The following SUGCT variants were observed in gnomAD, a reference collection of about 807,000 sequenced individuals.
SUGCT encodes the protein succinyl-CoA:glutarate CoA-transferase.
Under a neutral mutation model 55.0 loss-of-function variants are expected in SUGCT, and 41 were observed. The ratio of observed to expected loss-of-function variants is 0.74; its 90% confidence interval spans 0.58 to 0.97. The LOEUF (loss-of-function observed/expected upper bound fraction) is 0.97. SUGCT is among the 50% of genes least tolerant of loss of function. The pLI, the probability that SUGCT is intolerant of heterozygous loss-of-function variation, is 0.00. For missense variants in SUGCT, 568 were observed against 547.8 expected (o/e 1.04, Z -0.37); for synonymous variants, 187 against 200.4 (o/e 0.93, Z 0.56).
chr7:41,017,598 G>A, the SUGCT span, among the ~76,000 whole-genome samples: 5 of 151,836 alleles, frequency 3.3e-5, no homozygotes, highest in African/African-American at 9.7e-5. Flanking sequence ...ATGAAACCCC[G>A]TCTCTACTGA....
chr7:40,713,081 C>CGGTTG (rs1486409681), intron 12 of SUGCT, among the ~76,000 whole-genome samples: 1 of 152,102 alleles, frequency 6.6e-6, no homozygotes, highest in Non-Finnish European at 1.5e-5. Flanking sequence ...GGAGGGGGTG[C>CGGTTG]GGTTGGCTTC....
intron 9 of SUGCT, among the ~76,000 whole-genome samples, chr7:40,364,088 T>C (rs1409055794): frequency 1.3e-5 from 2 of 150,464 alleles, no homozygotes; most frequent in Non-Finnish European, 3.0e-5. Context: ...TTGTCTCTTT[T>C]GATCTTTGTT....
intron 12 of SUGCT, among the ~76,000 whole-genome samples, chr7:40,642,245 C>T (rs1314563842): frequency 6.6e-6 from 1 of 152,296 alleles, no homozygotes; most frequent in South Asian, 2.1e-4. Flanking sequence ...TTTTTATATA[C>T]TTTCGATGAT....
intron 9 of SUGCT, among the ~76,000 whole-genome samples, chr7:40,384,973 C>G (rs11769836): frequency 5.7e-4 from 87 of 152,174 alleles, no homozygotes; most frequent in African/African-American, 2.0e-3. Context: ...TTCTTGTCCT[C>G]AAGGGTCTGG....
the SUGCT span, among the ~76,000 whole-genome samples, chr7:41,026,162 G>A: frequency 3.3e-5 from 5 of 152,196 alleles, no homozygotes; most frequent in Admixed American, 6.5e-5. Context: ...TGCGACCTGC[G>A]TAGGTCTTCC....
At chr7:40,789,351 A>G (rs1790194752) in intron 13 of SUGCT, among the ~76,000 whole-genome samples, 1 of 152,168 alleles carries the variant, frequency 6.6e-6, no homozygotes, top group African/African-American at 2.4e-5. Context: ...AAGTAAGTGA[A>G]ATCAGGCAGT....
the SUGCT span, among the ~76,000 whole-genome samples, chr7:40,923,910 G>A: frequency 2.7e-4 from 41 of 152,112 alleles, no homozygotes. Context: ...TGGTCTGAAT[G>A]TTTGTGTCCC....
chr7:40,224,808 A>G (rs1304831742), intron 6 of SUGCT, among the ~76,000 whole-genome samples: 1 of 152,058 alleles, frequency 6.6e-6, no homozygotes, highest in Non-Finnish European at 1.5e-5. Context: ...TTTCATCTGT[A>G]TGGATGTTGA....
At chr7:40,162,567 G>T (rs1460275673) in intron 1 of SUGCT, among the ~76,000 whole-genome samples, 1 of 152,150 alleles carries the variant, frequency 6.6e-6, no homozygotes, top group Non-Finnish European at 1.5e-5. Flanking sequence ...GCCTTGACCT[G>T]CTGGGCTCAA....
rs149763025 is a variant in SUGCT, at chr7:40,722,802, G to A, written c.1090-26632G>A. 1.3e-3 allele frequency among the ~76,000 whole-genome samples: 192 copies of A among 152,074 alleles called. 1 individual carries two copies. Among genetic ancestry groups the A allele is most frequent in the East Asian group, 9.5e-3 (49 of 5,170 alleles). ...ATATCTTTTCAAATTGCCCCTTTGC[G>A]GTGAAGTATTTCTATTTTCTTGGTC... On this transcript the variant is annotated intron_variant, in intron 12 of 13. Transcript: ENST00000335693.
chr7:41,016,419 C>T, the SUGCT span, among the ~76,000 whole-genome samples: 1 of 152,086 alleles, frequency 6.6e-6, no homozygotes, highest in Admixed American at 6.5e-5. Context: ...CTTGCCAAGC[C>T]AGAACCCATA....
At chr7:40,382,540 T>G (rs1434425008) in intron 9 of SUGCT, among the ~76,000 whole-genome samples, 1 of 152,156 alleles carries the variant, frequency 6.6e-6, no homozygotes, top group East Asian at 1.9e-4. Context: ...GATTGAAGTA[T>G]TTTGCTTTGT....
At chr7:40,713,309 T>G (rs1785826949) in intron 12 of SUGCT, among the ~76,000 whole-genome samples, 2 of 152,184 alleles carry the variant, frequency 1.3e-5, no homozygotes. Flanking sequence ...TGCAGGGCTC[T>G]GGGCTCAGAC....
intron 9 of SUGCT, among the ~76,000 whole-genome samples, chr7:40,341,861 A>G (rs925228535): frequency 1.3e-5 from 2 of 152,220 alleles, no homozygotes; most frequent in Non-Finnish European, 2.9e-5. Flanking sequence ...AAGCAAAACC[A>G]TTGTGCCTGT....
intron 12 of SUGCT, among the ~76,000 whole-genome samples, chr7:40,497,567 C>T (rs1247723972): frequency 2.6e-5 from 4 of 152,150 alleles, no homozygotes; most frequent in Non-Finnish European, 4.4e-5. Context: ...GGACCCCACA[C>T]CATCAGTGGA....
intron 13 of SUGCT, among the ~76,000 whole-genome samples, chr7:40,795,795 A>T (rs1224140723): frequency 2.0e-5 from 3 of 152,170 alleles, no homozygotes; most frequent in Non-Finnish European, 2.9e-5. Flanking sequence ...TCTTCCCCCT[A>T]TTACGGAAAA....
At chr7:40,222,903 C>G (rs1227605160) in intron 6 of SUGCT, among the ~76,000 whole-genome samples, 1 of 152,142 alleles carries the variant, frequency 6.6e-6, no homozygotes, top group African/African-American at 2.4e-5. Flanking sequence ...GCTGTGATTA[C>G]AGGCATAAGC....
chr7:40,552,913 T>C, intron 12 of SUGCT, among the ~76,000 whole-genome samples: 1 of 152,134 alleles, frequency 6.6e-6, no homozygotes, highest in East Asian at 1.9e-4. Context: ...ATTGCAGACC[T>C]TGTACCTGGC....
chr7:40,597,109 A>G (rs1798047871), intron 12 of SUGCT, among the ~76,000 whole-genome samples: 1 of 152,234 alleles, frequency 6.6e-6, no homozygotes, highest in Admixed American at 6.5e-5. Context: ...AGAAGATAGG[A>G]ACTAGAACTT....
Sources: allele counts gnomAD v4.1 joint callset (sites outside exome capture counted in the v4.1 genomes callset), GRCh38; gene constraint gnomAD v4.1.1; transcripts MANE v1.5; gene names NCBI Gene and HGNC (gene_info 2026-07-23, HGNC 2026-07-21).